The following ZDHHC14 variants were observed in gnomAD, a reference collection of about 807,000 sequenced individuals.
ZDHHC14 encodes palmitoyltransferase ZDHHC14.
ZDHHC14 carries 16 observed loss-of-function variants against 47.7 expected under a neutral mutation model. The ratio of observed to expected loss-of-function variants is 0.34; its 90% CI spans 0.23 to 0.51. The LOEUF is 0.51. ZDHHC14 is among the 20% of genes least tolerant of loss of function. ZDHHC14 has a pLI of 0.97. For synonymous variants in ZDHHC14, 293 were observed against 278.9 expected (o/e 1.05, Z -0.50); for missense variants, 515 against 662.5 (o/e 0.78, Z 2.44).
At chr6:157,520,624 A>G (rs564774313) in intron 1 of ZDHHC14, among the ~76,000 whole-genome samples, 1 of 152,374 alleles carries the variant, frequency 6.6e-6, no homozygotes, top group South Asian at 2.1e-4. Context: ...GCTTTCCAGC[A>G]CTAGCCCTAG....
rs371106998 is a variant in ZDHHC14 at position 157,567,684 on chromosome 6, G to T, written c.406+24939G>T. Among the ~76,000 whole-genome samples, 22 of 152,226 alleles carry T rather than the reference G, an allele frequency of 1.4e-4. No homozygotes were observed. The East Asian group carries it at 4.3e-3, about 29-fold the overall frequency. On this transcript the variant is annotated intron_variant, in intron 2 of 8. Transcript: ENST00000359775. ...ATACAAAAATTAGCCAGATGTGGTG[G>T]TGTGTGCCTGTAGTCCCAGCTACTT...
At chr6:157,592,821 C>A (rs1010365103) in intron 2 of ZDHHC14, 167 bp from the exon 3 acceptor site, 1 of 1,431,764 alleles carries the variant, frequency 7.0e-7, no homozygotes, top group Non-Finnish European at 9.1e-7. Context: ...GCCGGGGTCC[C>A]AGCGGAGGGT....
chr6:157,421,947 C>G (rs975860290), intron 1 of ZDHHC14, among the ~76,000 whole-genome samples: 13 of 152,302 alleles, frequency 8.5e-5, no homozygotes, highest in Admixed American at 2.0e-4. Context: ...TCTGAAGATG[C>G]ATTCATTCAC....
At chr6:157,415,476 T>A (rs2114762880) in intron 1 of ZDHHC14, among the ~76,000 whole-genome samples, 1 of 152,206 alleles carries the variant, frequency 6.6e-6, no homozygotes, top group East Asian at 1.9e-4. Context: ...ATAGAACAGG[T>A]GGGATGTGCT....
chr6:157,483,652 T>C (rs922428872), intron 1 of ZDHHC14, among the ~76,000 whole-genome samples: 2 of 152,190 alleles, frequency 1.3e-5, no homozygotes, highest in Non-Finnish European at 2.9e-5. Context: ...GCAATTTTTA[T>C]TGTTGCTGTC....
At chr6:157,645,255 G>A (rs1173083863) in intron 5 of ZDHHC14, among the ~76,000 whole-genome samples, 3 of 152,092 alleles carry the variant, frequency 2.0e-5, no homozygotes, top group African/African-American at 7.2e-5. Context: ...TCTCCTCAGG[G>A]GAGACGCCTG....
intron 2 of ZDHHC14, among the ~76,000 whole-genome samples, chr6:157,591,341 T>C (rs1283674216): frequency 6.6e-6 from 1 of 152,186 alleles, no homozygotes. Flanking sequence ...TCTGTACATG[T>C]CATGGGAGGG....
At chr6:157,566,103 C>T (rs1284147801) in intron 2 of ZDHHC14, among the ~76,000 whole-genome samples, 2 of 152,096 alleles carry the variant, frequency 1.3e-5, no homozygotes, top group African/African-American at 2.4e-5. Context: ...AATGTTATGC[C>T]GATGTTACCA....
intron 1 of ZDHHC14, among the ~76,000 whole-genome samples, chr6:157,517,733 G>A (rs1289663598): frequency 2.6e-5 from 4 of 152,236 alleles, no homozygotes; most frequent in Non-Finnish European, 5.9e-5. Flanking sequence ...AAGTGTTGGC[G>A]AGCAGTCCCT....
At position 157,672,924 on chromosome 6, in the gene ZDHHC14, C is replaced by T. The variant is rs369752891; in HGVS notation, c.1269C>T (p.Leu423=). 3.9e-5 allele frequency: 63 copies of T among 1,602,910 alleles called. No individual in the cohort carries two copies. The highest frequency in any genetic ancestry group is 2.4e-4 in the South Asian group (22 of 89,988). The part of the protein sequence containing the change: ...ASMPNLAEAT[L]ADVMPRKDEH... ...TGCCCAACCTCGCCGAGGCCACGCT[C>T]GCGGACGTGATGCCCCGGAAAGATG... Residue 423 remains leucine, a synonymous_variant, in exon 9 of 9, where the codon CTC becomes CTT. Coordinates refer to ENST00000359775, the MANE Select transcript of ZDHHC14 (RefSeq NM_024630.3).
chr6:157,445,920 G>A (rs1236998242), intron 1 of ZDHHC14, among the ~76,000 whole-genome samples: 2 of 152,118 alleles, frequency 1.3e-5, no homozygotes, highest in African/African-American at 2.4e-5. Context: ...TCATCGCTGG[G>A]GCCAGAACCT....
At chr6:157,498,159 G>A (rs1780110351) in intron 1 of ZDHHC14, among the ~76,000 whole-genome samples, 1 of 152,160 alleles carries the variant, frequency 6.6e-6, no homozygotes, top group South Asian at 2.1e-4. Context: ...CCGGGGGGCT[G>A]GGTGCAGTGG....
rs766960767 is a variant in ZDHHC14 at position 157,382,066 on chromosome 6, C to T, written c.45C>T (p.Ser15=). Residue 15 remains serine, a synonymous_variant, in exon 1 of 9, where the codon AGC becomes AGT. Transcript: ENST00000359775. ...GGCCCATGAAAGACTGCGAGTACAGCCAGATCAGCACCCACAGCTCCTCCC... is the reference window on the plus strand; with the variant it reads ...GGCCCATGAAAGACTGCGAGTACAGTCAGATCAGCACCCACAGCTCCTCCC... ...GGGPMKDCEY[S]QISTHSSSPM... The T allele has an allele frequency of 1.2e-6, 2 of 1,601,846 alleles. No individual in the cohort carries two copies. The highest frequency in any genetic ancestry group is 3.3e-4 in the Middle Eastern group (2 of 6,028).
chr6:157,587,184 T>C (rs1295955417), intron 2 of ZDHHC14, among the ~76,000 whole-genome samples: 1 of 152,260 alleles, frequency 6.6e-6, no homozygotes, highest in African/African-American at 2.4e-5. Flanking sequence ...CTACCCATGT[T>C]TGCAGGAGTA....
intron 2 of ZDHHC14, 50 bp downstream of exon 2, chr6:157,542,795 C>T (rs996988156): frequency 2.5e-6 from 4 of 1,591,016 alleles, no homozygotes; most frequent in Non-Finnish European, 3.4e-6. Context: ...CGCCTGGGCC[C>T]AGCTACAGTG....
intron 3 of ZDHHC14, among the ~76,000 whole-genome samples, chr6:157,606,934 A>G (rs747033288): frequency 1.7e-4 from 26 of 152,242 alleles, no homozygotes; most frequent in Non-Finnish European, 3.5e-4. Context: ...TAGAAACTGC[A>G]GCTATTTTAT....
At chr6:157,383,791 C>A (rs1286661556) in intron 1 of ZDHHC14, among the ~76,000 whole-genome samples, 2 of 152,114 alleles carry the variant, frequency 1.3e-5, no homozygotes, top group African/African-American at 2.4e-5. Context: ...GTGGGGAGAC[C>A]TGTGGACGGG....
At chr6:157,474,744 G>A (rs558301513) in intron 1 of ZDHHC14, among the ~76,000 whole-genome samples, 18 of 152,070 alleles carry the variant, frequency 1.2e-4, no homozygotes, top group African/African-American at 4.1e-4. Context: ...TTTTTTAATT[G>A]GGTTATTTGT....
At chr6:157,559,307 C>T (rs1782611383) in intron 2 of ZDHHC14, among the ~76,000 whole-genome samples, 2 of 152,212 alleles carry the variant, frequency 1.3e-5, no homozygotes, top group Non-Finnish European at 2.9e-5. Flanking sequence ...GTAGCTATTG[C>T]GTGGGCAGCT....
Sources: allele counts gnomAD v4.1 joint callset (sites outside exome capture counted in the v4.1 genomes callset), GRCh38; gene constraint gnomAD v4.1.1; transcripts MANE v1.5; gene names NCBI Gene and HGNC (gene_info 2026-07-23, HGNC 2026-07-21).